SAP130: variants seen among roughly 807,000 people sequenced by gnomAD.
The protein encoded by SAP130 is histone deacetylase complex subunit SAP130.
SAP130 carries 16 observed loss-of-function variants against 103.2 expected under a neutral mutation model. That is an observed-to-expected ratio of 0.16 (90% CI 0.10 to 0.24). SAP130 has a LOEUF of 0.24. Among genes scored for constraint, SAP130 ranks in the 10% least tolerant of loss-of-function variants. SAP130 has a pLI of 1.00. For synonymous variants in SAP130, 477 were observed against 497.0 expected, an observed-to-expected ratio of 0.96 and a Z score of 0.53; for missense variants, 990 against 1,359.7, an observed-to-expected ratio of 0.73 and a Z score of 4.28.
chr2:127,979,094 G>A (rs1681679425), intron 14 of SAP130, among the ~76,000 whole-genome samples: 1 of 152,324 alleles, frequency 6.6e-6, no homozygotes, highest in South Asian at 2.1e-4. Context: ...TGGATGTAGA[G>A]TTTAGTTTAA....
At chr2:127,943,834 T>C (rs947806944) in intron 19 of SAP130, among the ~76,000 whole-genome samples, 1 of 152,194 alleles carries the variant, frequency 6.6e-6, no homozygotes, top group Non-Finnish European at 1.5e-5. Flanking sequence ...ACTAAATCTA[T>C]TAAAAATATT....
At position 127,999,864 on chromosome 2, in the gene SAP130, G is replaced by C. The variant is rs776078252; in HGVS notation, c.1109-19C>G. On this transcript the variant is annotated intron_variant, in intron 9 of 20. Coordinates refer to ENST00000643581, the MANE Select transcript of SAP130 (RefSeq NM_001330301.2). ...ACAGATCCTGAAATAGGGGAAAAAAGGAAATTCTTTAACAAGAACTTCTCT... is the reference window on the plus strand; with the variant it reads ...ACAGATCCTGAAATAGGGGAAAAAACGAAATTCTTTAACAAGAACTTCTCT... 18 of 1,508,588 alleles carry C rather than the reference G, an allele frequency of 1.2e-5. No individual in the cohort carries two copies. The highest frequency in any genetic ancestry group is 1.6e-5 in the Non-Finnish European group (18 of 1,123,570). 93.5% of individuals were successfully genotyped at this position (1,508,588 alleles called of 1,614,324 possible). A position where few individuals can be genotyped will look rare whatever the true frequency, so the allele number is the denominator to read the frequency against.
chr2:127,941,852 G>T lies in SAP130; in HGVS notation c.*154C>A. 5 of 696,528 alleles carry T rather than the reference G, an allele frequency of 7.2e-6. No homozygotes were observed. The highest frequency in any genetic ancestry group is 1.2e-5 in the Non-Finnish European group (5 of 415,222). The allele number at this position is 696,528 out of a possible 1,614,324, so 43.1% of individuals were successfully genotyped here. On this transcript the variant is annotated 3_prime_UTR_variant, in exon 21 of 21. Coordinates refer to ENST00000643581, the MANE Select transcript of SAP130 (RefSeq NM_001330301.2). ...GTCCAGTCAGCTCTGATCCTTTCAC[G>T]CCCTTGGATGTCATGGGTTCCTCTG...
chr2:127,970,505 C>G (rs1681004964), intron 15 of SAP130, among the ~76,000 whole-genome samples: 1 of 145,494 alleles, frequency 6.9e-6, no homozygotes. Flanking sequence ...CGTACCACTG[C>G]ACTCCAGCCT....
rs945737322 is a variant in SAP130 at position 127,941,488 on chromosome 2, G to GA, written c.*517dup. On this transcript the variant is annotated 3_prime_UTR_variant, in exon 21 of 21. Coordinates refer to ENST00000643581, the MANE Select transcript of SAP130 (RefSeq NM_001330301.2). Reference sequence around the variant, plus strand: ...ATAGTTCAAACCCTTTAGAGTGTGAGATGTGGCAGCTCGCTTGGTGCCGTG... The same window carrying GA: ...ATAGTTCAAACCCTTTAGAGTGTGAGAATGTGGCAGCTCGCTTGGTGCCGTG... 5 of 154,504 alleles carry GA rather than the reference G, an allele frequency of 3.2e-5. No homozygotes were observed. The highest frequency in any genetic ancestry group is 1.2e-4 in the African/African-American group (5 of 41,444). The allele number at this position is 154,504 out of a possible 1,614,324, so 9.6% of individuals were successfully genotyped here.
chr2:127,968,713 A>C (rs1001825635), intron 15 of SAP130, among the ~76,000 whole-genome samples: 2 of 151,954 alleles, frequency 1.3e-5, no homozygotes, highest in Non-Finnish European at 2.9e-5. Context: ...ACAGGGTTTC[A>C]CCATGTTGGC....
intron 12 of SAP130, among the ~76,000 whole-genome samples, chr2:127,991,793 T>C (rs926892391): frequency 4.6e-5 from 7 of 152,228 alleles, no homozygotes; most frequent in African/African-American, 1.4e-4. Flanking sequence ...TAGTTTTGCA[T>C]TGCTAAGTTG....
At chr2:127,990,190 C>T (rs1029282322) in intron 12 of SAP130, among the ~76,000 whole-genome samples, 1 of 151,994 alleles carries the variant, frequency 6.6e-6, no homozygotes, top group African/African-American at 2.4e-5. Flanking sequence ...GTCAGAAATA[C>T]ACCCAGAGGT....
intron 15 of SAP130, among the ~76,000 whole-genome samples, chr2:127,969,341 T>G (rs1259943484): frequency 6.6e-6 from 1 of 152,212 alleles, no homozygotes; most frequent in African/African-American, 2.4e-5. Context: ...CTCATAAAAT[T>G]CCTGATAATG....
At chr2:127,978,178 C>T (rs182422308) in intron 14 of SAP130, 89 bp from the exon 15 acceptor site, 1 of 934,196 alleles carries the variant, frequency 1.1e-6, no homozygotes, top group Non-Finnish European at 1.7e-6. Context: ...CCAGGCATAC[C>T]TAGGACAAAA....
chr2:127,968,402 T>C (rs1186744359), intron 15 of SAP130, among the ~76,000 whole-genome samples: 11 of 149,424 alleles, frequency 7.4e-5, no homozygotes, highest in Admixed American at 7.3e-4. Flanking sequence ...TGAGCCACCA[T>C]GCCCGGAGTT....
At chr2:128,027,278 T>A in intron 1 of SAP130, 1 of 1,146,580 alleles carries the variant, frequency 8.7e-7, no homozygotes, top group Non-Finnish European at 1.1e-6. Context: ...CGGCCGCCGC[T>A]GTGCTCGCAG....
chr2:127,981,751 C>T (rs1224044562), intron 14 of SAP130, among the ~76,000 whole-genome samples: 1 of 126,206 alleles, frequency 7.9e-6, no homozygotes, highest in East Asian at 2.6e-4. Flanking sequence ...CCGACGCAGT[C>T]CTCCTGCACC....
chr2:127,951,573 T>C (rs76537841), intron 16 of SAP130, among the ~76,000 whole-genome samples: 4,226 of 152,270 alleles, frequency 0.028, 177 homozygotes, highest in African/African-American at 0.093. Flanking sequence ...CCCTCTCATG[T>C]CTATCCTCCC....
At chr2:127,991,214 C>T (rs1027016088) in intron 12 of SAP130, among the ~76,000 whole-genome samples, 1 of 151,872 alleles carries the variant, frequency 6.6e-6, no homozygotes, top group Non-Finnish European at 1.5e-5. Context: ...CACACTACTA[C>T]ACTCCAGCCT....
chr2:127,956,609 G>T (rs1679855876), intron 15 of SAP130, among the ~76,000 whole-genome samples: 1 of 149,060 alleles, frequency 6.7e-6, no homozygotes, highest in African/African-American at 2.5e-5. Context: ...TGTAAATGAT[G>T]AGTTAATGGG....
intron 15 of SAP130, among the ~76,000 whole-genome samples, chr2:127,960,078 AT>A (rs1267764228): frequency 6.6e-6 from 1 of 152,290 alleles, no homozygotes; most frequent in South Asian, 2.1e-4. Flanking sequence ...GAGGCCGAAG[AT>A]GGATCAGTAT....
At chr2:127,964,512 AAAAAAAG>A in intron 15 of SAP130, among the ~76,000 whole-genome samples, 1 of 150,982 alleles carries the variant, frequency 6.6e-6, no homozygotes, top group African/African-American at 2.4e-5. Flanking sequence ...AAAAAAAAAA[AAAAAAAG>A]TAAATTAAAA....
In SAP130 at chr2:127,950,146, C is replaced by G; in HGVS notation, c.2671+14G>C. 6.2e-7 allele frequency: 1 copy of G among 1,614,094 alleles called. No homozygotes were observed. The highest frequency in any genetic ancestry group is 8.5e-7 in the Non-Finnish European group (1 of 1,179,950). On this transcript the variant is annotated intron_variant, in intron 17 of 20. Coordinates refer to ENST00000643581, the MANE Select transcript of SAP130 (RefSeq NM_001330301.2). ...TGGGAAGCATCATAACACAAGTCAGCCTGTGACCATTACCAATATACTCCT... is the reference window on the plus strand; with the variant it reads ...TGGGAAGCATCATAACACAAGTCAGGCTGTGACCATTACCAATATACTCCT...
Sources: allele counts gnomAD v4.1 joint callset (sites outside exome capture counted in the v4.1 genomes callset), GRCh38; gene constraint gnomAD v4.1.1; transcripts MANE v1.5; gene names NCBI Gene and HGNC (gene_info 2026-07-23, HGNC 2026-07-21).